The following ATP10D variants were observed in gnomAD, a reference collection of about 807,000 sequenced individuals.
ATP10D encodes ATPase phospholipid transporting 10D (putative), also known as phospholipid-transporting ATPase VD.
Under a neutral mutation model 144.8 loss-of-function variants are expected in ATP10D, and 89 were observed. The observed-to-expected ratio is 0.61, with a 90% CI of 0.52 to 0.73. The LOEUF is 0.73. ATP10D is among the 30% of genes least tolerant of loss of function. The pLI is 0.00. For synonymous variants in ATP10D, 571 were observed against 615.1 expected (o/e 0.93, Z 1.06); for missense variants, 1,603 against 1,714.8 (o/e 0.93, Z 1.15).
rs935415055 is a variant in ATP10D, at chr4:47,546,740, C to G, written c.1513C>G (p.His505Asp). 2 of 1,614,068 alleles carry G rather than the reference C, an allele frequency of 1.2e-6. No homozygotes were observed. The highest frequency in any genetic ancestry group is 1.7e-6 in the Non-Finnish European group (2 of 1,179,970). The change falls in exon 10 of 23, where the codon CAT becomes GAT. Residue 505 changes from histidine to aspartate, a missense_variant. By Grantham distance (81) the His-to-Asp change is moderately conservative. Transcript: ENST00000273859. ...GAGAGCCCCCAGCTGCAGGACAGTTCATAATGGGCCTTTGGGAAATAAGCC... is the reference window on the plus strand; with the variant it reads ...GAGAGCCCCCAGCTGCAGGACAGTTGATAATGGGCCTTTGGGAAATAAGCC... ...KPRAPSCRTV[H>D]NGPLGNKPSN...
At chr4:47,498,044 A>G (rs1278522708) in intron 1 of ATP10D, among the ~76,000 whole-genome samples, 3 of 152,234 alleles carry the variant, frequency 2.0e-5, no homozygotes, top group Admixed American at 6.5e-5. Flanking sequence ...TCTTACGTAC[A>G]TTCCCATTAA....
At chr4:47,514,166 C>T (rs933408405) in intron 2 of ATP10D, among the ~76,000 whole-genome samples, 2 of 152,182 alleles carry the variant, frequency 1.3e-5, no homozygotes, top group African/African-American at 4.8e-5. Flanking sequence ...TTAGTCATTC[C>T]ACATACATTC....
At chr4:47,502,969 A>T (rs1379452143) in intron 1 of ATP10D, among the ~76,000 whole-genome samples, 1 of 152,214 alleles carries the variant, frequency 6.6e-6, no homozygotes. Context: ...TGGGAGGCTG[A>T]GGCAGGCAGA....
chr4:47,488,216 A>T (rs1714871252), intron 1 of ATP10D, among the ~76,000 whole-genome samples: 1 of 152,178 alleles, frequency 6.6e-6, no homozygotes, highest in African/African-American at 2.4e-5. Context: ...TAAAAATTTA[A>T]TGACTTGGAA....
intron 12 of ATP10D, 108 bp downstream of exon 12, chr4:47,558,381 C>G: frequency 1.4e-6 from 2 of 1,431,782 alleles, no homozygotes; most frequent in Non-Finnish European, 1.9e-6. Context: ...GGGGACTAAT[C>G]ACATTTGGTG....
intron 9 of ATP10D, among the ~76,000 whole-genome samples, chr4:47,544,921 G>A (rs1478871037): frequency 6.6e-6 from 1 of 152,100 alleles, no homozygotes; most frequent in Non-Finnish European, 1.5e-5. Context: ...TAAGGCCCCT[G>A]CTCTCATAGA....
At chr4:47,559,256 T>A (rs1719154205) in intron 13 of ATP10D, among the ~76,000 whole-genome samples, 1 of 152,228 alleles carries the variant, frequency 6.6e-6, no homozygotes, top group African/African-American at 2.4e-5. Flanking sequence ...CTTGTATGTT[T>A]CAATATGTCC....
intron 22 of ATP10D, 132 bp downstream of exon 22, chr4:47,587,338 T>A: frequency 1.2e-6 from 1 of 815,750 alleles, no homozygotes; most frequent in African/African-American, 1.7e-5. Flanking sequence ...GTGTCCTAGT[T>A]AAAATATTGG....
intron 3 of ATP10D, among the ~76,000 whole-genome samples, chr4:47,520,901 A>G (rs1196899560): frequency 6.6e-6 from 1 of 152,016 alleles, no homozygotes; most frequent in Admixed American, 6.6e-5. Context: ...ATTCACAGAG[A>G]TTACACTTTC....
At chr4:47,527,012 CAAG>C (rs1717282788) in intron 5 of ATP10D, among the ~76,000 whole-genome samples, 1 of 151,832 alleles carries the variant, frequency 6.6e-6, no homozygotes, top group Admixed American at 6.6e-5. Flanking sequence ...TTTGAAAAAA[CAAG>C]AAAAAAGCTA....
chr4:47,542,968 C>T (rs1450849313), intron 9 of ATP10D, among the ~76,000 whole-genome samples: 1 of 151,368 alleles, frequency 6.6e-6, no homozygotes, highest in Non-Finnish European at 1.5e-5. Context: ...GTTACACGAT[C>T]ATTAAATATA....
At chr4:47,569,415 G>T (rs1324172319) in intron 16 of ATP10D, among the ~76,000 whole-genome samples, 1 of 146,330 alleles carries the variant, frequency 6.8e-6, no homozygotes, top group Non-Finnish European at 1.5e-5. Flanking sequence ...AAATCAACAA[G>T]CTTAAATCAA....
At chr4:47,567,716 G>A (rs1323752589) in intron 15 of ATP10D, among the ~76,000 whole-genome samples, 1 of 152,186 alleles carries the variant, frequency 6.6e-6, no homozygotes, top group African/African-American at 2.4e-5. Flanking sequence ...CTTTGGAGGT[G>A]TATGGGATCA....
chr4:47,585,336 T>G (rs1008877058), intron 21 of ATP10D, among the ~76,000 whole-genome samples: 2 of 21,792 alleles, frequency 9.2e-5, no homozygotes, highest in African/African-American at 1.4e-3. Context: ...CTTTTTGAAT[T>G]TAAATCTTTT....
At position 47,536,852 on chromosome 4, in the gene ATP10D, C is replaced by G; in HGVS notation, c.1310C>G (p.Ser437Cys). Reference protein sequence around the residue: ...EDLGQIQYLFSDKTGTLTENK... With the variant: ...EDLGQIQYLFCDKTGTLTENK... ...CTGGGACAGATTCAGTACCTCTTTTCCGATAAGACAGGAACCCTCACTGAG... is the reference window on the plus strand; with the variant it reads ...CTGGGACAGATTCAGTACCTCTTTTGCGATAAGACAGGAACCCTCACTGAG... Residue 437 changes from serine (S) to cysteine (C), a missense_variant, in exon 9 of 23, where the codon TCC becomes TGC. Physicochemically the swap from Ser to Cys is moderately radical, Grantham distance 112. Transcript: ENST00000273859. 6.2e-7 allele frequency: 1 copy of G among 1,613,372 alleles called. No homozygotes were observed. Among genetic ancestry groups the G allele is most frequent in the Non-Finnish European group, 8.5e-7 (1 of 1,179,690 alleles).
chr4:47,568,949 G>A lies in ATP10D; in HGVS notation c.2966G>A (p.Arg989Gln), dbSNP rs754642932. ...SEDLLQPPVP[R>Q]DSGLRAGLII... Reference sequence around the variant, plus strand: ...GATTTACTTCAGCCTCCTGTCCCCCGGGACTCAGGGTTACGAGCTGGACTC... The same window carrying A: ...GATTTACTTCAGCCTCCTGTCCCCCAGGACTCAGGGTTACGAGCTGGACTC... The change falls in exon 16 of 23, where the codon CGG becomes CAG. Residue 989 changes from arginine (R) to glutamine (Q), a missense_variant. Arg to Gln is a conservative substitution (Grantham distance 43). Transcript: ENST00000273859. 2.2e-5 allele frequency: 35 copies of A among 1,613,980 alleles called. No individual in the cohort carries two copies. Among genetic ancestry groups the A allele is most frequent in the South Asian group, 5.5e-5 (5 of 91,086 alleles).
chr4:47,491,384 A>G, intron 1 of ATP10D: 5 of 732,484 alleles, frequency 6.8e-6, no homozygotes, highest in Non-Finnish European at 1.2e-5. Flanking sequence ...ATGTGGCCAA[A>G]GGAACAACTC....
intron 15 of ATP10D, among the ~76,000 whole-genome samples, chr4:47,564,026 G>T (rs1331303654): frequency 6.6e-6 from 1 of 152,050 alleles, no homozygotes; most frequent in African/African-American, 2.4e-5. Context: ...CAAGTAGCTG[G>T]GATTACAGGC....
intron 9 of ATP10D, among the ~76,000 whole-genome samples, chr4:47,544,751 C>T (rs4437227): frequency 0.85 from 129,738 of 152,130 alleles, 55,703 homozygotes; most frequent in East Asian, 0.99. Context: ...AAAACTATTA[C>T]AAAAAAATAG....
Sources: allele counts gnomAD v4.1 joint callset (sites outside exome capture counted in the v4.1 genomes callset), GRCh38; gene constraint gnomAD v4.1.1; transcripts MANE v1.5; gene names NCBI Gene and HGNC (gene_info 2026-07-23, HGNC 2026-07-21).